The following VTI1A variants were observed in gnomAD, a reference collection of about 807,000 sequenced individuals.
VTI1A encodes vesicle transport through interaction with t-SNAREs 1A.
Under a neutral mutation model 34.9 loss-of-function variants are expected in VTI1A, and 22 were observed. That is an observed-to-expected ratio of 0.63 (90% CI 0.45 to 0.90). The LOEUF is 0.90. Ranked by LOEUF, VTI1A falls within the 40% of genes least tolerant of loss-of-function variation. The pLI is 0.00. For synonymous variants in VTI1A, 87 were observed against 97.3 expected (o/e 0.89, Z 0.62); for missense variants, 268 against 275.6 (o/e 0.97, Z 0.20).
intron 7 of VTI1A, among the ~76,000 whole-genome samples, chr10:112,670,903 T>C (rs1343179795): frequency 6.6e-6 from 1 of 152,212 alleles, no homozygotes; most frequent in East Asian, 1.9e-4. Flanking sequence ...TGCATGACAA[T>C]GTTTTTCACT....
chr10:112,598,985 G>T (rs1844777412), intron 5 of VTI1A, among the ~76,000 whole-genome samples: 1 of 152,132 alleles, frequency 6.6e-6, no homozygotes, highest in African/African-American at 2.4e-5. Context: ...GTAAGAGTCT[G>T]CTCTATTCCT....
At chr10:112,551,521 C>G (rs964358563) in intron 5 of VTI1A, among the ~76,000 whole-genome samples, 2 of 152,064 alleles carry the variant, frequency 1.3e-5, no homozygotes, top group African/African-American at 4.8e-5. Context: ...AGGAGAAATT[C>G]AAGCCACCTG....
At chr10:112,596,270 A>G (rs1196020850) in intron 5 of VTI1A, among the ~76,000 whole-genome samples, 1 of 152,076 alleles carries the variant, frequency 6.6e-6, no homozygotes, top group Admixed American at 6.5e-5. Flanking sequence ...TATGTAACTA[A>G]CCTGCATATT....
chr10:112,752,227 A>G (rs1851128909), intron 7 of VTI1A: 1 of 231,474 alleles, frequency 4.3e-6, no homozygotes, highest in African/African-American at 2.3e-5. Flanking sequence ...CCTCCCAACT[A>G]AGCTGTGGTG....
chr10:112,765,180 T>G (rs1851603048), intron 7 of VTI1A, among the ~76,000 whole-genome samples: 1 of 150,032 alleles, frequency 6.7e-6, no homozygotes, highest in Non-Finnish European at 1.5e-5. Flanking sequence ...GCTTTGTAAA[T>G]TACTAGTTTG....
At chr10:112,636,552 C>T (rs1485438573) in intron 5 of VTI1A, among the ~76,000 whole-genome samples, 2 of 151,710 alleles carry the variant, frequency 1.3e-5, no homozygotes, top group Admixed American at 6.6e-5. Flanking sequence ...GGTGAAACCC[C>T]GTCTCTACTA....
chr10:112,844,729 T>A, the VTI1A span, among the ~76,000 whole-genome samples: 1 of 152,166 alleles, frequency 6.6e-6, no homozygotes, highest in Non-Finnish European at 1.5e-5. Flanking sequence ...GAAAATCACA[T>A]TGAACCATGG....
chr10:112,493,633 G>A (rs1158815107), intron 3 of VTI1A, among the ~76,000 whole-genome samples: 1 of 152,022 alleles, frequency 6.6e-6, no homozygotes, highest in Admixed American at 6.6e-5. Flanking sequence ...ATCTGGTTGA[G>A]GAATTTCCCT....
intron 5 of VTI1A, among the ~76,000 whole-genome samples, chr10:112,612,927 AT>A (rs1845374980): frequency 9.5e-6 from 1 of 105,192 alleles, no homozygotes; most frequent in East Asian, 2.5e-4. Flanking sequence ...TTTGCCATTT[AT>A]TTTGCATATA....
At chr10:112,562,676 A>G (rs1402461744) in intron 5 of VTI1A, among the ~76,000 whole-genome samples, 1 of 152,084 alleles carries the variant, frequency 6.6e-6, no homozygotes, top group African/African-American at 2.4e-5. Flanking sequence ...AATAACTAAA[A>G]CACAATCATC....
At chr10:112,704,809 G>A (rs35394320) in intron 7 of VTI1A, among the ~76,000 whole-genome samples, 8,075 of 151,790 alleles carry the variant, frequency 0.053, 253 homozygotes, top group Middle Eastern at 0.078. Flanking sequence ...ATGATGCTAG[G>A]TCCAGTAGGG....
chr10:112,632,700 GGGGGTTAGGGAAGA>G (rs1474731882), intron 5 of VTI1A, among the ~76,000 whole-genome samples: 8 of 152,166 alleles, frequency 5.3e-5, no homozygotes, highest in African/African-American at 1.9e-4. Flanking sequence ...CTAACCATAA[GGGGGTTAGGGAAGA>G]GGAACAGGTG....
intron 5 of VTI1A, among the ~76,000 whole-genome samples, chr10:112,597,966 G>A (rs968434832): frequency 3.3e-5 from 5 of 151,906 alleles, no homozygotes; most frequent in Admixed American, 6.6e-5. Flanking sequence ...CAAAGTGCTG[G>A]GATTACAGGC....
chr10:112,517,863 T>C (rs1225067898), intron 3 of VTI1A, among the ~76,000 whole-genome samples: 2 of 151,884 alleles, frequency 1.3e-5, no homozygotes, highest in East Asian at 1.9e-4. Context: ...CTAAATATAA[T>C]GTGGAGTCTT....
chr10:112,682,668 G>T (rs775453433), intron 7 of VTI1A, among the ~76,000 whole-genome samples: 1 of 152,202 alleles, frequency 6.6e-6, no homozygotes, highest in Admixed American at 6.5e-5. Flanking sequence ...ACTCTGGGGC[G>T]ACTGGATCCA....
chr10:112,795,798 A>G (rs556373695), intron 7 of VTI1A, among the ~76,000 whole-genome samples: 38 of 152,146 alleles, frequency 2.5e-4, no homozygotes, highest in Non-Finnish European at 5.3e-4. Context: ...TATTCAATAT[A>G]CTGAATTTTT....
At chr10:112,492,333 T>C (rs1488404453) in intron 3 of VTI1A, among the ~76,000 whole-genome samples, 1 of 152,128 alleles carries the variant, frequency 6.6e-6, no homozygotes, top group East Asian at 1.9e-4. Flanking sequence ...TCATATAAGG[T>C]ACAAGGGGAG....
intron 5 of VTI1A, among the ~76,000 whole-genome samples, chr10:112,564,339 CAG>C (rs1370991308): frequency 6.6e-6 from 1 of 150,968 alleles, no homozygotes; most frequent in Non-Finnish European, 1.5e-5. Context: ...GTGAACCAAA[CAG>C]AAATAATTTT....
At chr10:112,618,698 ACCATAGATAG>A (rs1845616426) in intron 5 of VTI1A, among the ~76,000 whole-genome samples, 2 of 151,776 alleles carry the variant, frequency 1.3e-5, no homozygotes, top group Non-Finnish European at 2.9e-5. Flanking sequence ...GAACATGCAT[ACCATAGATAG>A]GGAGGACATT....
Sources: allele counts gnomAD v4.1 joint callset (sites outside exome capture counted in the v4.1 genomes callset), GRCh38; gene constraint gnomAD v4.1.1; transcripts MANE v1.5; gene names NCBI Gene and HGNC (gene_info 2026-07-23, HGNC 2026-07-21).